The following NUDT5 variants were observed in gnomAD, a reference collection of about 807,000 sequenced individuals.
NUDT5 encodes the protein ADP-sugar pyrophosphatase.
A neutral mutation model predicts 34.1 loss-of-function variants in NUDT5; 21 were observed. The observed-to-expected ratio is 0.62, with a 90% CI of 0.44 to 0.89. The LOEUF (loss-of-function observed/expected upper bound fraction) is 0.89, where lower values mean the gene tolerates loss of function less well. Ranked by LOEUF, NUDT5 falls within the 40% of genes least tolerant of loss-of-function variation. The pLI, the probability that NUDT5 is intolerant of heterozygous loss-of-function variation, is 0.00. For synonymous variants in NUDT5, 85 were observed against 97.6 expected (o/e 0.87, Z 0.76); for missense variants, 249 against 274.8 (o/e 0.91, Z 0.66).
chr10:12,179,060 T>C (rs549496552), intron 4 of NUDT5, 23 bp downstream of exon 4: 23 of 1,605,762 alleles, frequency 1.4e-5, no homozygotes, highest in Non-Finnish European at 2.0e-5. Context: ...TTCTAAAGGG[T>C]TGGAATAGGT....
intron 5 of NUDT5, 141 bp downstream of exon 5, chr10:12,177,652 A>AGGG: frequency 3.1e-6 from 2 of 647,602 alleles, no homozygotes; most frequent in Admixed American, 2.6e-5. Flanking sequence ...GGCCTGGAGG[A>AGGG]GCCTCGCTAC....
Position 12,171,115 on chromosome 10 carries a change from G to A in NUDT5, c.488-207C>T, listed in dbSNP as rs1273915342. The stretch of plus-strand genomic sequence containing the variant: ...AAGTAGCAAAATTTAAAGCATATTC[G>A]ATAGTATGTATATTTTTATAGATAT... On this transcript the variant is annotated intron_variant, in intron 7 of 9. Transcript: ENST00000491614. This position sits in a 1 kb window ranked among gnomAD's most constrained non-coding sequence, Gnocchi z 4.2. Among the ~76,000 whole-genome samples the A allele has an allele frequency of 2.0e-5, 3 of 152,134 alleles. No homozygotes were observed. The highest frequency in any genetic ancestry group is 4.4e-5 in the Non-Finnish European group (3 of 68,042).
intron 3 of NUDT5, among the ~76,000 whole-genome samples, chr10:12,183,517 C>T (rs940451474): frequency 6.6e-6 from 1 of 152,204 alleles, no homozygotes; most frequent in African/African-American, 2.4e-5. Flanking sequence ...ACAAAGAAAT[C>T]ATGTACTCTT....
At chr10:12,190,403 T>C (rs1449165964) in intron 1 of NUDT5, among the ~76,000 whole-genome samples, 2 of 152,136 alleles carry the variant, frequency 1.3e-5, no homozygotes, top group African/African-American at 4.8e-5. Flanking sequence ...TAGCAGTCTC[T>C]AACTAGCTTC....
chr10:12,170,446 C>A lies in NUDT5; in HGVS notation c.550+271G>T. 1.6e-6 allele frequency: 1 copy of A among 614,866 alleles called. No individual in the cohort carries two copies. 38.1% of individuals were successfully genotyped at this position (614,866 alleles called of 1,614,324 possible). On this transcript the variant is annotated intron_variant, in intron 9 of 9. Coordinates refer to ENST00000491614, the MANE Select transcript of NUDT5 (RefSeq NM_014142.4). This position sits in a 1 kb window ranked among gnomAD's most constrained non-coding sequence, Gnocchi z 4.9. ...AAAGTGTAGAATCGTTTTGGCTACT[C>A]AGCAGGAATGTCATCTGGGCCATTC... is the stretch of plus-strand genomic sequence containing the variant.
intron 7 of NUDT5, chr10:12,172,558 CAAAG>C (rs563030354): frequency 9.6e-4 from 558 of 584,266 alleles, no homozygotes; most frequent in Non-Finnish European, 1.4e-3. Flanking sequence ...CATTTTTTTA[CAAAG>C]AAAGCGTAAA....
chr10:12,185,345 T>C (rs1835108449), intron 2 of NUDT5, among the ~76,000 whole-genome samples: 1 of 152,234 alleles, frequency 6.6e-6, no homozygotes, highest in Non-Finnish European at 1.5e-5. Flanking sequence ...GAGTTTCATA[T>C]GTAGAAATGG....
chr10:12,195,092 G>A (rs1418026885), intron 1 of NUDT5, among the ~76,000 whole-genome samples: 1 of 152,164 alleles, frequency 6.6e-6, no homozygotes, highest in African/African-American at 2.4e-5. Context: ...CCCAGGAGGC[G>A]GAGGTTGCAG....
intron 1 of NUDT5, among the ~76,000 whole-genome samples, chr10:12,191,759 G>C (rs752153079): frequency 6.6e-6 from 1 of 152,152 alleles, no homozygotes; most frequent in Non-Finnish European, 1.5e-5. Flanking sequence ...ACTAATTTTG[G>C]GGTTAGGCAG....
At position 12,171,882 on chromosome 10, in the gene NUDT5, G is replaced by A. The variant is rs1457126409; in HGVS notation, c.487+883C>T. Reference sequence around the variant, plus strand: ...TGGGATTACAGGTGCGCACCACCATGCCTGGCTAATTTTTGTATTTTTAGT... The same window carrying A: ...TGGGATTACAGGTGCGCACCACCATACCTGGCTAATTTTTGTATTTTTAGT... On this transcript the variant is annotated intron_variant, in intron 7 of 9. Coordinates refer to ENST00000491614, the MANE Select transcript of NUDT5 (RefSeq NM_014142.4). The surrounding 1 kb of genome is among the most constrained non-coding windows in gnomAD (Gnocchi z 4.2). Among the ~76,000 whole-genome samples the A allele has an allele frequency of 6.6e-6, 1 of 151,742 alleles. No homozygotes were observed. The highest frequency in any genetic ancestry group is 1.5e-5 in the Non-Finnish European group (1 of 67,966).
chr10:12,188,677 G>C (rs12252015), intron 1 of NUDT5, among the ~76,000 whole-genome samples: 22,524 of 145,864 alleles, frequency 0.15, 1,866 homozygotes, highest in Middle Eastern at 0.25. Flanking sequence ...GTTGCAGTGA[G>C]CTGAGATCGT....
At chr10:12,188,704 C>T (rs1481685554) in intron 1 of NUDT5, among the ~76,000 whole-genome samples, 1 of 128,000 alleles carries the variant, frequency 7.8e-6, no homozygotes. Context: ...GCACTGCAGC[C>T]TGGCGACAGA....
Position 12,175,234 on chromosome 10 carries a change from C to T in NUDT5, c.290-1421G>A, listed in dbSNP as rs1377969382. On this transcript the variant is annotated intron_variant, in intron 5 of 9. Transcript: ENST00000491614. The surrounding 1 kb of genome is among the most constrained non-coding windows in gnomAD (Gnocchi z 4.8). ...ACGCGGGAGGCTGAGGCAGGAGAAT[C>T]GCTTGACCCTGTTAGGCGGAGGTTG... Among the ~76,000 whole-genome samples, 6 of 152,118 alleles carry T rather than the reference C, an allele frequency of 3.9e-5. No homozygotes were observed. The highest frequency in any genetic ancestry group is 8.8e-5 in the Non-Finnish European group (6 of 68,036).
At chr10:12,191,096 A>G (rs1835219099) in intron 1 of NUDT5, among the ~76,000 whole-genome samples, 1 of 152,108 alleles carries the variant, frequency 6.6e-6, no homozygotes, top group Admixed American at 6.6e-5. Context: ...TAAAAAACAA[A>G]GGAAAGGCCG....
In NUDT5 at chr10:12,165,593, T is replaced by G. The variant is rs57287753; in HGVS notation, c.*2109A>C. The G allele has an allele frequency of 1.9e-3, 295 of 155,206 alleles. 7 individuals are homozygous for G. In the East Asian group the frequency reaches 0.054, roughly 28 times the overall value. The allele number at this position is 155,206 out of a possible 1,614,324, so 9.6% of individuals were successfully genotyped here. The stretch of plus-strand genomic sequence containing the variant: ...CATTTGGGAGGAAACAGGAAAACAG[T>G]GGTCTCAAAACAACAATATCCCAGT... On this transcript the variant is annotated 3_prime_UTR_variant, in exon 10 of 10. Coordinates refer to ENST00000491614, the MANE Select transcript of NUDT5 (RefSeq NM_014142.4).
chr10:12,170,918 A>G lies in NUDT5; in HGVS notation c.488-10T>C. The G allele has an allele frequency of 1.2e-6, 2 of 1,613,228 alleles. No individual in the cohort carries two copies. The highest frequency in any genetic ancestry group is 2.7e-5 in the African/African-American group (2 of 75,012). Reference sequence around the variant, plus strand: ...AACATACCTCCATCCCCTGGAAATAAACAGAAGGAAAACATTTCAGCAAGG... The same window carrying G: ...AACATACCTCCATCCCCTGGAAATAGACAGAAGGAAAACATTTCAGCAAGG... On this transcript the variant is annotated splice_polypyrimidine_tract_variant and intron_variant, in intron 7 of 9. Transcript: ENST00000491614. The surrounding 1 kb of genome is among the most constrained non-coding windows in gnomAD (Gnocchi z 4.9).
At chr10:12,179,177 A>C (rs1194961400) in intron 3 of NUDT5, 45 bp from the exon 4 acceptor site, 13 of 1,544,466 alleles carry the variant, frequency 8.4e-6, no homozygotes, top group Non-Finnish European at 1.1e-5. Context: ...GCTACAGAAG[A>C]GAATTTTCTT....
In NUDT5 at chr10:12,177,874, T is replaced by G. The variant is rs1834981056; in HGVS notation, c.208A>C (p.Arg70=). Residue 70 remains arginine (R), a synonymous_variant, in exon 5 of 10, where the codon AGA becomes CGA. Coordinates refer to ENST00000491614, the MANE Select transcript of NUDT5 (RefSeq NM_014142.4). The stretch of plus-strand genomic sequence containing the variant: ...ACGATACACTCATAGTGAAGTGTTC[T>G]CTGCAGCACGGGGATGACCGCGACA... ...DGVAVIPVLQ[R]TLHYECIVLV... is the part of the protein sequence containing the mutation. 15 of 1,614,092 alleles carry G rather than the reference T, an allele frequency of 9.3e-6. No individual in the cohort carries two copies. Among genetic ancestry groups the G allele is most frequent in the Non-Finnish European group, 1.3e-5 (15 of 1,180,004 alleles).
chr10:12,176,957 A>G (rs1015450237), intron 5 of NUDT5, among the ~76,000 whole-genome samples: 1 of 152,082 alleles, frequency 6.6e-6, no homozygotes, highest in East Asian at 1.9e-4. Flanking sequence ...CCCTGTCTCT[A>G]CAAAAAATAC....
Sources: allele counts gnomAD v4.1 joint callset (sites outside exome capture counted in the v4.1 genomes callset), GRCh38; gene constraint gnomAD v4.1.1; non-coding constraint Gnocchi (gnomAD v3.1); transcripts MANE v1.5; gene names NCBI Gene and HGNC (gene_info 2026-07-23, HGNC 2026-07-21).